OR2L13: variants seen among roughly 807,000 people sequenced by gnomAD.
OR2L13 encodes the protein olfactory receptor 2L13.
OR2L13 carries 14 observed loss-of-function variants against 15.3 expected under a neutral mutation model. The ratio of observed to expected loss-of-function variants is 0.91; its 90% CI spans 0.60 to 1.43. The LOEUF is 1.43. Among genes scored for constraint, OR2L13 ranks in the 40% most tolerant of loss-of-function variants. The pLI, the probability that OR2L13 is intolerant of heterozygous loss-of-function variation, is 0.00. For synonymous variants in OR2L13, 152 were observed against 142.9 expected, an observed-to-expected ratio of 1.06 and a Z score of -0.45; for missense variants, 367 against 387.9, an observed-to-expected ratio of 0.95 and a Z score of 0.45.
chr1:248,079,648 C>A, the OR2L13 span, among the ~76,000 whole-genome samples: 2 of 152,054 alleles, frequency 1.3e-5, no homozygotes, highest in Non-Finnish European at 2.9e-5. Context: ...CTATTAATTG[C>A]CCCACATAGA....
chr1:247,970,787 C>T, the OR2L13 span, among the ~76,000 whole-genome samples: 1 of 152,130 alleles, frequency 6.6e-6, no homozygotes, highest in Non-Finnish European at 1.5e-5. Flanking sequence ...ATTGCAGCCC[C>T]AGATCCCAGG....
At chr1:247,993,025 C>T in the OR2L13 span, among the ~76,000 whole-genome samples, 2 of 149,364 alleles carry the variant, frequency 1.3e-5, no homozygotes, top group East Asian at 3.9e-4. Context: ...TGCAGCTTCA[C>T]CAGCATCTGG....
chr1:248,022,456 C>A, the OR2L13 span: 1 of 1,614,162 alleles, frequency 6.2e-7, no homozygotes, highest in South Asian at 1.1e-5. Context: ...TATTGCAAGT[C>A]CAGAGCCATC....
At chr1:247,985,371 T>G in the OR2L13 span, among the ~76,000 whole-genome samples, 1 of 152,184 alleles carries the variant, frequency 6.6e-6, no homozygotes, top group African/African-American at 2.4e-5. Flanking sequence ...TTGGTTTTTT[T>G]GTCCTTGCAA....
At chr1:247,959,633 T>C in the OR2L13 span, among the ~76,000 whole-genome samples, 1 of 152,090 alleles carries the variant, frequency 6.6e-6, no homozygotes, top group Non-Finnish European at 1.5e-5. Context: ...TTGGAGGCTT[T>C]GTTCATTTCT....
chr1:247,990,675 A>C, the OR2L13 span: 24 of 1,530,214 alleles, frequency 1.6e-5, no homozygotes, highest in Middle Eastern at 5.1e-4. Context: ...TCCGTATGAG[A>C]AAAAGAGTGT....
chr1:247,938,964 C>T, the OR2L13 span: 3 of 152,144 alleles, frequency 2.0e-5, no homozygotes, highest in Non-Finnish European at 4.4e-5. Context: ...TGGATATGTC[C>T]TTTAAACTTT....
the OR2L13 span, among the ~76,000 whole-genome samples, chr1:248,067,132 A>G: frequency 1.3e-5 from 2 of 152,194 alleles, no homozygotes; most frequent in Non-Finnish European, 1.5e-5. Context: ...TAAACATCTC[A>G]TAAGTTTTGA....
At chr1:248,044,669 G>A in the OR2L13 span, among the ~76,000 whole-genome samples, 1 of 118,174 alleles carries the variant, frequency 8.5e-6, no homozygotes. Context: ...CGGGCGCGGT[G>A]GCGGGCGCCT....
chr1:247,970,204 A>T, the OR2L13 span, among the ~76,000 whole-genome samples: 2 of 152,144 alleles, frequency 1.3e-5, no homozygotes, highest in Admixed American at 6.5e-5. Flanking sequence ...TAATTTAATA[A>T]CTATTCCATT....
chr1:248,087,104 C>T, the OR2L13 span, among the ~76,000 whole-genome samples: 29 of 152,246 alleles, frequency 1.9e-4, no homozygotes, highest in African/African-American at 6.7e-4. Flanking sequence ...CTTCTCTCTT[C>T]TTTCTGGCAT....
At chr1:248,085,520 G>A in the OR2L13 span, among the ~76,000 whole-genome samples, 3 of 144,382 alleles carry the variant, frequency 2.1e-5, no homozygotes, top group South Asian at 6.6e-4. Context: ...CCAGATTATA[G>A]TAGGTGTACC....
chr1:248,039,081 A>T, the OR2L13 span: 1 of 1,613,968 alleles, frequency 6.2e-7, no homozygotes, highest in South Asian at 1.1e-5. Context: ...AGAGGACAAG[A>T]TTCTGGCTGT....
the OR2L13 span, among the ~76,000 whole-genome samples, chr1:248,083,164 T>C: frequency 6.6e-6 from 1 of 152,160 alleles, no homozygotes; most frequent in African/African-American, 2.4e-5. Flanking sequence ...TTTAAAATAA[T>C]GTGATTTGTC....
At chr1:248,083,804 C>A in the OR2L13 span, 1 of 1,613,664 alleles carries the variant, frequency 6.2e-7, no homozygotes, top group African/African-American at 1.3e-5. Context: ...GGTTAGTGGA[C>A]CTGTGGGATT....
At chr1:248,008,151 AC>A in the OR2L13 span, among the ~76,000 whole-genome samples, 1 of 151,956 alleles carries the variant, frequency 6.6e-6, no homozygotes, top group Non-Finnish European at 1.5e-5. Context: ...AATAGCACTT[AC>A]AACCAGAGCC....
the OR2L13 span, among the ~76,000 whole-genome samples, chr1:247,993,222 G>A: frequency 6.6e-6 from 1 of 151,832 alleles, no homozygotes; most frequent in African/African-American, 2.4e-5. Flanking sequence ...TTTTTAATGG[G>A]GTTAGTTTTT....
chr1:247,957,550 C>T, the OR2L13 span, among the ~76,000 whole-genome samples: 3 of 152,202 alleles, frequency 2.0e-5, no homozygotes, highest in East Asian at 1.9e-4. Context: ...CTGGTAAATT[C>T]GGCTGTGAAT....
chr1:247,976,160 A>G, the OR2L13 span, among the ~76,000 whole-genome samples: 16 of 152,298 alleles, frequency 1.1e-4, no homozygotes, highest in South Asian at 3.1e-3. Context: ...ATTTGTCTTT[A>G]GAAAAACAAG....
Sources: allele counts gnomAD v4.1 joint callset (sites outside exome capture counted in the v4.1 genomes callset), GRCh38; gene constraint gnomAD v4.1.1; transcripts MANE v1.5; gene names NCBI Gene and HGNC (gene_info 2026-07-23, HGNC 2026-07-21).